Variants in COG6 observed in about 807,000 individuals in gnomAD.
COG6 encodes conserved oligomeric Golgi complex subunit 6.
A neutral mutation model predicts 88.8 loss-of-function variants in COG6; 74 were observed. That is an observed-to-expected ratio of 0.83 (90% CI 0.69 to 1.01). The LOEUF (loss-of-function observed/expected upper bound fraction) is 1.01. COG6 is among the 50% of genes least tolerant of loss of function. The pLI, the probability that COG6 is intolerant of heterozygous loss-of-function variation, is 0.00. For synonymous variants in COG6, 286 were observed against 278.7 expected (o/e 1.03, Z -0.26); for missense variants, 800 against 797.9 (o/e 1.00, Z -0.03).
intron 1 of COG6, chr13:39,656,275 G>C: frequency 2.2e-6 from 1 of 450,220 alleles, no homozygotes; most frequent in Middle Eastern, 3.3e-4. Flanking sequence ...TCCAAGATAA[G>C]GTAGCGCAAA....
chr13:39,729,354 A>G (rs1010525689), intron 18 of COG6, among the ~76,000 whole-genome samples: 5 of 152,218 alleles, frequency 3.3e-5, no homozygotes, highest in Admixed American at 2.6e-4. Context: ...CCCTGCTGCC[A>G]AAACCACTGG....
At chr13:39,697,783 CTTG>C (rs1353602052) in intron 12 of COG6, among the ~76,000 whole-genome samples, 2 of 151,928 alleles carry the variant, frequency 1.3e-5, no homozygotes, top group African/African-American at 4.8e-5. Context: ...TGTTCACTGG[CTTG>C]TTTTGGGTAT....
intron 18 of COG6, among the ~76,000 whole-genome samples, chr13:39,741,335 A>G (rs988412282): frequency 6.6e-6 from 1 of 152,176 alleles, no homozygotes; most frequent in Non-Finnish European, 1.5e-5. Flanking sequence ...GTTCGAACCC[A>G]TTGCAAGGAA....
rs545116031 is a variant in COG6 at position 39,659,394 on chromosome 13, A to G, written c.184A>G (p.Thr62Ala). 7 of 1,613,658 alleles carry G rather than the reference A, an allele frequency of 4.3e-6. No homozygotes were observed. The highest frequency in any genetic ancestry group is 1.1e-5 in the South Asian group (1 of 91,072). ...GTTAGAAGCTCTCAAGGCACTTTCA[A>G]CCTTTTTTGTTGAAAATAGTCTGCG... ...EMLEALKALS[T>A]FFVENSLRTR... Residue 62 changes from threonine (T) to alanine (A), a missense_variant, in exon 2 of 19, where the codon ACC becomes GCC. By Grantham distance (58) the Thr-to-Ala change is moderately conservative. Coordinates refer to ENST00000455146, the MANE Select transcript of COG6 (RefSeq NM_020751.3).
At chr13:39,657,680 C>T (rs1464150580) in intron 1 of COG6, among the ~76,000 whole-genome samples, 2 of 152,016 alleles carry the variant, frequency 1.3e-5, no homozygotes, top group Non-Finnish European at 2.9e-5. Context: ...AAAGGGTAAG[C>T]CTACTAGAAT....
Position 39,659,324 on chromosome 13 carries a change from A to T in COG6, c.154-40A>T, listed in dbSNP as rs572987538. ...GTCTTGAGATTTGAAACCATTTAAA[A>T]ATTAGTTCCAGTAACTGTCTTCTGT... On this transcript the variant is annotated intron_variant, in intron 1 of 18. Transcript: ENST00000455146. 35 of 1,593,062 alleles carry T rather than the reference A, an allele frequency of 2.2e-5. No homozygotes were observed. In the African/African-American group the frequency reaches 4.7e-4, roughly 21 times the overall value.
At chr13:39,781,441 GT>G (rs34052593) in intron 18 of COG6, among the ~76,000 whole-genome samples, 109,258 of 142,142 alleles carry the variant, frequency 0.77, 43,503 homozygotes, top group East Asian at 0.92. Context: ...AATGCGGAGG[GT>G]TTTTTTTTTT....
chr13:39,689,553 A>T lies in COG6; in HGVS notation c.1010-207A>T, dbSNP rs141531931. 9.9e-5 allele frequency among the ~76,000 whole-genome samples: 15 copies of T among 152,240 alleles called. No homozygotes were observed. The East Asian group carries it at 2.9e-3, about 29-fold the overall frequency. On this transcript the variant is annotated intron_variant, in intron 10 of 18. Transcript: ENST00000455146. Reference sequence around the variant, plus strand: ...GATGAATTAACAAGGCTTTCTAGACACATTAGGTATTATCACAATTAATAT... The same window carrying T: ...GATGAATTAACAAGGCTTTCTAGACTCATTAGGTATTATCACAATTAATAT...
At chr13:39,673,148 C>T (rs926317382) in intron 4 of COG6, among the ~76,000 whole-genome samples, 21 of 151,932 alleles carry the variant, frequency 1.4e-4, no homozygotes, top group Non-Finnish European at 2.5e-4. Flanking sequence ...TTAACAGATA[C>T]ATTATTTGCA....
intron 5 of COG6, chr13:39,679,313 AT>A (rs1876166810): frequency 7.6e-6 from 4 of 528,388 alleles, no homozygotes; most frequent in Non-Finnish European, 1.0e-5. Flanking sequence ...TGTCAACACT[AT>A]TTGGCACATA....
chr13:39,788,770 C>A (rs1459968922), exon 19 of COG6: 3 of 159,494 alleles, frequency 1.9e-5, no homozygotes, highest in Admixed American at 6.4e-5. Flanking sequence ...GACAAGATGA[C>A]CTGAAGAAAA....
chr13:39,666,871 CT>C (rs753147593), intron 4 of COG6, among the ~76,000 whole-genome samples: 4 of 152,160 alleles, frequency 2.6e-5, no homozygotes, highest in Non-Finnish European at 5.9e-5. Context: ...AAAATACTAT[CT>C]TTAATAGCAC....
downstream of COG6, among the ~76,000 whole-genome samples, chr13:39,754,070 T>C: frequency 6.6e-6 from 1 of 152,178 alleles, no homozygotes; most frequent in Non-Finnish European, 1.5e-5. Context: ...TGAAATTCTA[T>C]CCTTTCCAGT....
chr13:39,746,922 A>G (rs1880380998), intron 18 of COG6, among the ~76,000 whole-genome samples: 1 of 152,194 alleles, frequency 6.6e-6, no homozygotes, highest in South Asian at 2.1e-4. Context: ...ATGTGTATGT[A>G]TATGTGATGT....
intron 18 of COG6, among the ~76,000 whole-genome samples, chr13:39,743,910 C>A (rs1229413567): frequency 1.3e-5 from 2 of 152,104 alleles, no homozygotes; most frequent in Non-Finnish European, 2.9e-5. Context: ...CCACCAAGAT[C>A]AAATTGGCTT....
intron 10 of COG6, 100 bp downstream of exon 10, chr13:39,687,899 C>A (rs1876758960): frequency 5.0e-6 from 4 of 795,156 alleles, no homozygotes; most frequent in Non-Finnish European, 8.6e-6. Context: ...AGATAAACAC[C>A]TTGATGGTAC....
At chr13:39,729,661 AAAC>A (rs770870614) in intron 18 of COG6, among the ~76,000 whole-genome samples, 3 of 152,312 alleles carry the variant, frequency 2.0e-5, no homozygotes, top group Admixed American at 1.3e-4. Context: ...ATGCAAACTG[AAAC>A]AACGAGAACT....
chr13:39,758,428 C>T (rs1444165225), intron 18 of COG6, among the ~76,000 whole-genome samples: 1 of 151,934 alleles, frequency 6.6e-6, no homozygotes, highest in Non-Finnish European at 1.5e-5. Context: ...TTAAAGTGTG[C>T]CAAGTATTTG....
intron 8 of COG6, among the ~76,000 whole-genome samples, chr13:39,682,781 T>C (rs192240071): frequency 1.3e-5 from 2 of 152,204 alleles, no homozygotes; most frequent in East Asian, 3.9e-4. Flanking sequence ...ATGCATTTTG[T>C]ATTTGTTGAT....
Sources: gnomAD v4.1 joint callset for allele counts (sites outside exome capture counted in the v4.1 genomes callset) on GRCh38, gnomAD v4.1.1 for gene constraint, MANE v1.5 for transcripts, NCBI Gene and HGNC (gene_info 2026-07-23, HGNC 2026-07-21) for gene names.